SQOR: variants seen among roughly 807,000 people sequenced by gnomAD.
The protein encoded by SQOR is sulfide:quinone oxidoreductase, mitochondrial.
A neutral mutation model predicts 48.6 loss-of-function variants in SQOR; 39 were observed. That is an observed-to-expected ratio of 0.80 (90% CI 0.62 to 1.05). The LOEUF is 1.05. Among genes scored for constraint, SQOR ranks in the 50% least tolerant of loss-of-function variants. The pLI is 0.00. For missense variants in SQOR, 561 were observed against 559.9 expected (o/e 1.00, Z -0.02); for synonymous variants, 220 against 206.2 (o/e 1.07, Z -0.57).
chr15:45,658,110 C>A (rs1487912472), intron 1 of SQOR, among the ~76,000 whole-genome samples: 1 of 152,018 alleles, frequency 6.6e-6, no homozygotes, highest in Admixed American at 6.6e-5. Context: ...CTCGGAGGAA[C>A]TATTAAGGAG....
In SQOR at chr15:45,655,308, A is replaced by G. The variant is rs544158442; in HGVS notation, c.-17-3599A>G. On this transcript the variant is annotated intron_variant, in intron 1 of 9. Transcript: ENST00000260324. ...TGGGGCTTTTCCCATGGAGATAGAT[A>G]TAGTGTCAGGACCATGAAAAACATG... 2.6e-5 allele frequency among the ~76,000 whole-genome samples: 4 copies of G among 152,310 alleles called. No homozygotes were observed. The South Asian group carries it at 8.3e-4, about 32-fold the overall frequency.
At position 45,690,655 on chromosome 15, in the gene SQOR, A is replaced by T. The variant is rs906578307; in HGVS notation, c.1296-318A>T. 2.7e-5 allele frequency among the ~76,000 whole-genome samples: 4 copies of T among 146,646 alleles called. No individual in the cohort carries two copies. In the South Asian group the frequency reaches 8.6e-4, roughly 32 times the overall value. On this transcript the variant is annotated intron_variant, in intron 9 of 9. Coordinates refer to ENST00000260324, the MANE Select transcript of SQOR (RefSeq NM_021199.4). ...GGTCCAACATATCAATAGGGCCAAG[A>T]TTGCAAAATCCTACAGTTAATTATG... is the stretch of plus-strand genomic sequence containing the variant.
chr15:45,652,158 G>C (rs1425569049), intron 1 of SQOR, among the ~76,000 whole-genome samples: 1 of 152,178 alleles, frequency 6.6e-6, no homozygotes, highest in Non-Finnish European at 1.5e-5. Context: ...ACAGGCGTGA[G>C]CCACCACGTC....
chr15:45,652,788 G>A (rs1054711495), intron 1 of SQOR, among the ~76,000 whole-genome samples: 13 of 151,550 alleles, frequency 8.6e-5, no homozygotes, highest in African/African-American at 2.4e-4. Context: ...TCTGGCCAAC[G>A]TGGTGAAACC....
Position 45,662,264 on chromosome 15 carries a change from C to T in SQOR, c.405+139C>T, listed in dbSNP as rs978893690. On this transcript the variant is annotated intron_variant, in intron 3 of 9. Coordinates refer to ENST00000260324, the MANE Select transcript of SQOR (RefSeq NM_021199.4). Reference sequence around the variant, plus strand: ...ATGAACGTATGTGTGTTGAATACTACACAAGATGGCAGGGTATGTGGTAAG... The same window carrying T: ...ATGAACGTATGTGTGTTGAATACTATACAAGATGGCAGGGTATGTGGTAAG... 4.8e-6 allele frequency: 4 copies of T among 841,896 alleles called. No homozygotes were observed. In the African/African-American group the frequency reaches 5.1e-5, roughly 11 times the overall value. 52.2% of individuals were successfully genotyped at this position (841,896 alleles called of 1,614,324 possible).
chr15:45,689,419 T>C, intron 9 of SQOR: 2 of 184,534 alleles, frequency 1.1e-5, no homozygotes, highest in Non-Finnish European at 1.1e-5. Flanking sequence ...CTACCTTACT[T>C]TTTTTTTTTT....
chr15:45,676,293 G>A lies in SQOR; in HGVS notation c.847G>A (p.Glu283Lys), dbSNP rs1890036050. The A allele has an allele frequency of 1.2e-6, 2 of 1,614,022 alleles. No homozygotes were observed. The highest frequency in any genetic ancestry group is 8.5e-7 in the Non-Finnish European group (1 of 1,179,922). The change falls in exon 6 of 10, where the codon GAG becomes AAG. Residue 283 changes from glutamate to lysine, a missense_variant. Transcript: ENST00000260324. ...AVFENLDKPG[E>K]TQVISYEMLH... ...ATTTGAGAACCTGGACAAACCAGGAGAGACCCAAGTGATTTCAGTGAGTGG... is the reference window on the plus strand; with the variant it reads ...ATTTGAGAACCTGGACAAACCAGGAAAGACCCAAGTGATTTCAGTGAGTGG...
At chr15:45,642,239 G>T (rs570137492) in intron 1 of SQOR, among the ~76,000 whole-genome samples, 16 of 152,280 alleles carry the variant, frequency 1.1e-4, no homozygotes, top group African/African-American at 3.8e-4. Context: ...TGCACACCAG[G>T]GCTGAGCAGG....
chr15:45,650,392 T>C (rs953006807), intron 1 of SQOR, among the ~76,000 whole-genome samples: 9 of 152,228 alleles, frequency 5.9e-5, no homozygotes, highest in African/African-American at 2.2e-4. Flanking sequence ...TTGGAGTTTC[T>C]TTCTTCCTTC....
intron 4 of SQOR, among the ~76,000 whole-genome samples, chr15:45,671,744 T>A (rs543391832): frequency 1.3e-5 from 2 of 152,336 alleles, no homozygotes; most frequent in African/African-American, 4.8e-5. Flanking sequence ...AGGCAGCCTC[T>A]CTTTGTCCAT....
chr15:45,646,826 C>A (rs1566914613), intron 1 of SQOR, among the ~76,000 whole-genome samples: 1 of 151,950 alleles, frequency 6.6e-6, no homozygotes, highest in Non-Finnish European at 1.5e-5. Flanking sequence ...ACTTACACCT[C>A]CTAAAATATT....
At chr15:45,690,730 G>A (rs2140966228) in intron 9 of SQOR, among the ~76,000 whole-genome samples, 1 of 152,318 alleles carries the variant, frequency 6.6e-6, no homozygotes, top group South Asian at 2.1e-4. Context: ...AGAGGCTTTA[G>A]ACACATTTGC....
chr15:45,636,499 G>C (rs988181074), intron 1 of SQOR, among the ~76,000 whole-genome samples: 8 of 151,714 alleles, frequency 5.3e-5, no homozygotes, highest in Non-Finnish European at 1.0e-4. Context: ...CGCCTGCTGG[G>C]TTCAAGTGAT....
intron 1 of SQOR, among the ~76,000 whole-genome samples, chr15:45,649,461 T>A (rs1244864060): frequency 6.6e-6 from 1 of 152,210 alleles, no homozygotes; most frequent in East Asian, 1.9e-4. Context: ...TAAATTTACC[T>A]TATTTATTGA....
At chr15:45,650,309 A>T (rs185155757) in intron 1 of SQOR, among the ~76,000 whole-genome samples, 2 of 152,054 alleles carry the variant, frequency 1.3e-5, no homozygotes, top group Admixed American at 1.3e-4. Flanking sequence ...CACCCTGTGG[A>T]CCCTCGTGGG....
At chr15:45,665,137 T>C (rs1432437068) in intron 3 of SQOR, among the ~76,000 whole-genome samples, 1 of 152,164 alleles carries the variant, frequency 6.6e-6, no homozygotes, top group African/African-American at 2.4e-5. Context: ...TCAAGGACCA[T>C]ATACTTTACT....
chr15:45,690,082 CTTT>C (rs11449007), intron 9 of SQOR, among the ~76,000 whole-genome samples: 9 of 136,998 alleles, frequency 6.6e-5, no homozygotes, highest in Admixed American at 7.5e-5. Context: ...CCTCTTCCTC[CTTT>C]TTTTTTTTTT....
At chr15:45,641,563 G>A (rs1187405616) in intron 1 of SQOR, among the ~76,000 whole-genome samples, 1 of 152,190 alleles carries the variant, frequency 6.6e-6, no homozygotes, top group Non-Finnish European at 1.5e-5. Context: ...TGGCCCTGCA[G>A]GGCTAAGTGA....
chr15:45,687,872 A>G (rs779746498), intron 7 of SQOR, among the ~76,000 whole-genome samples: 17 of 152,174 alleles, frequency 1.1e-4, no homozygotes, highest in Admixed American at 2.0e-4. Flanking sequence ...ATCTGTATCT[A>G]TATCCACCTG....
Sources: gnomAD v4.1 joint callset for allele counts (sites outside exome capture counted in the v4.1 genomes callset) on GRCh38, gnomAD v4.1.1 for gene constraint, MANE v1.5 for transcripts, NCBI Gene and HGNC (gene_info 2026-07-23, HGNC 2026-07-21) for gene names.